The following TBC1D5 variants were observed in gnomAD, a reference collection of about 807,000 sequenced individuals.
The protein encoded by TBC1D5 is TBC1 domain family, member 5.
In TBC1D5, 75 loss-of-function variants were observed where a neutral mutation model predicts 100.3. The ratio of observed to expected loss-of-function variants is 0.75; its 90% CI spans 0.62 to 0.91. The LOEUF is 0.91. Ranked by LOEUF, TBC1D5 falls within the 40% of genes least tolerant of loss-of-function variation. The pLI, the probability that TBC1D5 is intolerant of heterozygous loss-of-function variation, is 0.00. For synonymous variants in TBC1D5, 323 were observed against 325.6 expected (o/e 0.99, Z 0.09); for missense variants, 910 against 942.4 (o/e 0.97, Z 0.45).
intron 3 of TBC1D5, among the ~76,000 whole-genome samples, chr3:17,448,115 A>C (rs2094841406): frequency 6.6e-6 from 1 of 152,194 alleles, no homozygotes; most frequent in African/African-American, 2.4e-5. Flanking sequence ...TTCCATCTCA[A>C]GAAACTACTT....
chr3:17,430,094 T>A (rs2094420796), intron 3 of TBC1D5, among the ~76,000 whole-genome samples: 1 of 151,860 alleles, frequency 6.6e-6, no homozygotes, highest in East Asian at 1.9e-4. Context: ...CACCCTTCAT[T>A]TTCTTTTAAA....
rs373843978 is a variant in TBC1D5, at chr3:17,285,248, C to CTTT, written c.1245+6644_1245+6646dup. ...AGTCACTATACGTGGATTTTAGATT[C>CTTT]TTTTTTTTTTTTTTTTTTTTTTTTT... On this transcript the variant is annotated intron_variant, in intron 15 of 21. Transcript: ENST00000253692. Among the ~76,000 whole-genome samples the CTTT allele has an allele frequency of 1.9e-4, 20 of 104,704 alleles. 1 individual carries two copies. Among genetic ancestry groups the CTTT allele is most frequent in the East Asian group, 1.2e-3 (2 of 1,670 alleles). The allele number at this position is 104,704 out of a possible 152,430, so 68.7% of individuals were successfully genotyped here. A position where few individuals can be genotyped will look rare whatever the true frequency, so the allele number is the denominator to read the frequency against.
At chr3:17,556,625 G>T (rs1049352675) in intron 2 of TBC1D5, among the ~76,000 whole-genome samples, 1 of 152,162 alleles carries the variant, frequency 6.6e-6, no homozygotes, top group African/African-American at 2.4e-5. Context: ...GAATGCAACT[G>T]ATCAAGAGTG....
At chr3:17,208,034 G>A (rs866055871) in intron 18 of TBC1D5, among the ~76,000 whole-genome samples, 33 of 152,222 alleles carry the variant, frequency 2.2e-4, no homozygotes, top group African/African-American at 8.0e-4. Flanking sequence ...TAACTGAAAA[G>A]CTATCTTGAA....
At chr3:17,440,443 T>C (rs751066757) in intron 3 of TBC1D5, among the ~76,000 whole-genome samples, 29 of 152,124 alleles carry the variant, frequency 1.9e-4, no homozygotes, top group Non-Finnish European at 3.5e-4. Context: ...CTGGGCTACA[T>C]GGCAAAACTC....
intron 15 of TBC1D5, among the ~76,000 whole-genome samples, chr3:17,271,447 T>A (rs2079415722): frequency 1.3e-5 from 2 of 152,312 alleles, no homozygotes; most frequent in South Asian, 4.1e-4. Flanking sequence ...TTTTCTACAT[T>A]GATTTTGTAT....
chr3:17,559,229 C>A (rs988713891), intron 2 of TBC1D5, among the ~76,000 whole-genome samples: 1 of 151,920 alleles, frequency 6.6e-6, no homozygotes, highest in Non-Finnish European at 1.5e-5. Flanking sequence ...CAACCTCTGC[C>A]TCCTAGGTTC....
intron 1 of TBC1D5, among the ~76,000 whole-genome samples, chr3:17,704,538 G>C (rs1413013595): frequency 1.1e-5 from 1 of 88,412 alleles, no homozygotes; most frequent in Non-Finnish European, 2.3e-5. Context: ...GGGGCGGCTG[G>C]CCGGGCGGGG....
chr3:17,638,563 G>C (rs767522537), intron 1 of TBC1D5, among the ~76,000 whole-genome samples: 9 of 152,076 alleles, frequency 5.9e-5, no homozygotes, highest in Non-Finnish European at 1.3e-4. Flanking sequence ...TGTCTCAGCA[G>C]TAATATAAAG....
At chr3:17,736,561 C>T (rs949394562) in intron 1 of TBC1D5, among the ~76,000 whole-genome samples, 3 of 152,176 alleles carry the variant, frequency 2.0e-5, no homozygotes, top group Admixed American at 6.5e-5. Flanking sequence ...ATCAACTCCA[C>T]GTCTCCAACC....
chr3:17,651,722 A>G (rs887224599), intron 1 of TBC1D5, among the ~76,000 whole-genome samples: 35 of 151,912 alleles, frequency 2.3e-4, no homozygotes, highest in African/African-American at 7.7e-4. Flanking sequence ...TTTTTTTTAC[A>G]TTTCCTCCCC....
chr3:17,442,233 C>T (rs2094679396), intron 3 of TBC1D5, among the ~76,000 whole-genome samples: 1 of 152,084 alleles, frequency 6.6e-6, no homozygotes. Flanking sequence ...TTCTTTTTCC[C>T]TTCTTTTTTC....
intron 13 of TBC1D5, among the ~76,000 whole-genome samples, chr3:17,315,913 A>C (rs188718870): frequency 2.6e-5 from 4 of 152,234 alleles, no homozygotes; most frequent in Admixed American, 2.6e-4. Context: ...AGGGCTAACT[A>C]GACGTGGGGT....
chr3:17,194,864 AAAG>A (rs1303906461), intron 18 of TBC1D5, among the ~76,000 whole-genome samples: 1 of 152,262 alleles, frequency 6.6e-6, no homozygotes, highest in Non-Finnish European at 1.5e-5. Context: ...AGTAAACAGA[AAAG>A]ACAAGAACGG....
intron 1 of TBC1D5, among the ~76,000 whole-genome samples, chr3:17,650,426 C>G (rs2065434174): frequency 6.6e-6 from 1 of 152,104 alleles, no homozygotes; most frequent in African/African-American, 2.4e-5. Context: ...TGTACATGGA[C>G]AGGCCTCTGC....
At chr3:17,166,926 G>T in exon 21 of TBC1D5, 1 of 1,594,898 alleles carries the variant, frequency 6.3e-7, no homozygotes, top group South Asian at 1.2e-5. Context: ...GAATGTCTTT[G>T]ATCTATTTTC....
chr3:17,506,097 C>T lies in TBC1D5; in HGVS notation c.97+2377G>A, dbSNP rs1209881268. Reference sequence around the variant, plus strand: ...ATGAGTCATCCAGTAGTAACAAATTCCCTAAAGATTATGGCAGAAATGTGT... The same window carrying T: ...ATGAGTCATCCAGTAGTAACAAATTTCCTAAAGATTATGGCAGAAATGTGT... On this transcript the variant is annotated intron_variant, in intron 3 of 21. Transcript: ENST00000253692. Among the ~76,000 whole-genome samples the T allele has an allele frequency of 2.0e-5, 3 of 152,146 alleles. No homozygotes were observed. The East Asian group carries it at 5.8e-4, about 29-fold the overall frequency.
At chr3:17,529,654 TA>T (rs539021856) in intron 2 of TBC1D5, among the ~76,000 whole-genome samples, 95 of 134,150 alleles carry the variant, frequency 7.1e-4, no homozygotes, top group African/African-American at 3.0e-3. Context: ...TTATTATTTT[TA>T]TTTTTTTTTG....
At chr3:17,487,203 A>G (rs546832574) in intron 3 of TBC1D5, among the ~76,000 whole-genome samples, 1 of 152,286 alleles carries the variant, frequency 6.6e-6, no homozygotes, top group Admixed American at 6.5e-5. Flanking sequence ...ATTTGGCCAT[A>G]TAAGAAAAAG....
Sources: allele counts gnomAD v4.1 joint callset (sites outside exome capture counted in the v4.1 genomes callset), GRCh38; gene constraint gnomAD v4.1.1; transcripts MANE v1.5; gene names NCBI Gene and HGNC (gene_info 2026-07-23, HGNC 2026-07-21).